RAB27A: variants seen among roughly 807,000 people sequenced by gnomAD.
The protein encoded by RAB27A is ras-related protein Rab-27A.
Under a neutral mutation model 20.8 loss-of-function variants are expected in RAB27A, and 17 were observed. The observed-to-expected ratio is 0.82, with a 90% confidence interval of 0.56 to 1.23. The LOEUF (loss-of-function observed/expected upper bound fraction) is 1.23. RAB27A is among the 50% of genes most tolerant of loss of function. RAB27A has a pLI of 0.00. For synonymous variants in RAB27A, 85 were observed against 92.8 expected, an observed-to-expected ratio of 0.92 and a Z score of 0.48; for missense variants, 277 against 266.7, an observed-to-expected ratio of 1.04 and a Z score of -0.27.
chr15:55,243,722 A>G (rs1896581861), intron 2 of RAB27A, among the ~76,000 whole-genome samples: 1 of 152,134 alleles, frequency 6.6e-6, no homozygotes, highest in African/African-American at 2.4e-5. Flanking sequence ...TATTGATTGA[A>G]TACTTATTAT....
Position 55,258,655 on chromosome 15 carries a change from T to G in RAB27A, c.-23+11510A>C, listed in dbSNP as rs557254877. 2.9e-4 allele frequency among the ~76,000 whole-genome samples: 44 copies of G among 152,372 alleles called. 1 individual carries two copies. The South Asian group carries it at 8.9e-3, about 31-fold the overall frequency. On this transcript the variant is annotated intron_variant, in intron 2 of 6. Coordinates refer to ENST00000336787, the MANE Select transcript of RAB27A (RefSeq NM_183235.3). ...GTTGTTTTACACTCCCAACTTCATA[T>G]CTTCACCAACATTTGGTGCTTGTTG...
chr15:55,313,087 T>C (rs1251919447), intron 2 of RAB27A, among the ~76,000 whole-genome samples: 1 of 152,178 alleles, frequency 6.6e-6, no homozygotes, highest in African/African-American at 2.4e-5. Context: ...ATTTGGTATT[T>C]AAATTAAAAT....
At chr15:55,263,118 T>TCTCTCACTTTCCTGGTTTCTG (rs1193632162) in intron 2 of RAB27A, among the ~76,000 whole-genome samples, 1 of 152,246 alleles carries the variant, frequency 6.6e-6, no homozygotes, top group Non-Finnish European at 1.5e-5. Flanking sequence ...TCTAGCTTCT[T>TCTCTCACTTTCCTGGTTTCTG]CTCTCACTTT....
chr15:55,241,600 T>TTCTATATATA lies in RAB27A; in HGVS notation c.-22-6645_-22-6644insTATATATAGA, dbSNP rs1388634936. On this transcript the variant is annotated intron_variant, in intron 2 of 6. Coordinates refer to ENST00000336787, the MANE Select transcript of RAB27A (RefSeq NM_183235.3). ...AGCCCAGGCAACTAGCAAGACCTATTTATATATATATATATATATATATAT... is the reference window on the plus strand; with the variant it reads ...AGCCCAGGCAACTAGCAAGACCTATTTCTATATATATATATATATATATATATATATATAT... Among the ~76,000 whole-genome samples, 841 of 123,824 alleles carry TTCTATATATA rather than the reference T, an allele frequency of 6.8e-3. 107 individuals are homozygous for TTCTATATATA. Among genetic ancestry groups the TTCTATATATA allele is most frequent in the African/African-American group, 0.034 (798 of 23,396 alleles). 81.2% of individuals were successfully genotyped at this position (123,824 alleles called of 152,430 possible). A position where few individuals can be genotyped will look rare whatever the true frequency, so the allele number is the denominator to read the frequency against.
At chr15:55,244,281 T>C (rs1471355560) in intron 2 of RAB27A, among the ~76,000 whole-genome samples, 2 of 151,966 alleles carry the variant, frequency 1.3e-5, no homozygotes, top group Admixed American at 1.3e-4. Context: ...CACCACTGCA[T>C]TCCGGCCTGG....
chr15:55,253,415 C>G (rs1173041615), intron 2 of RAB27A, among the ~76,000 whole-genome samples: 4 of 151,892 alleles, frequency 2.6e-5, no homozygotes, highest in Admixed American at 2.0e-4. Flanking sequence ...CCACCGCACT[C>G]CAGCCTGGGT....
chr15:55,309,262 A>G (rs907281804), intron 2 of RAB27A, among the ~76,000 whole-genome samples: 1 of 152,210 alleles, frequency 6.6e-6, no homozygotes, highest in Non-Finnish European at 1.5e-5. Context: ...GATGAGGATA[A>G]GCCAGTATAG....
intron 1 of RAB27A, among the ~76,000 whole-genome samples, chr15:55,281,972 TG>T (rs1365892815): frequency 1.3e-5 from 2 of 152,100 alleles, no homozygotes; most frequent in African/African-American, 4.8e-5. Flanking sequence ...GTGTGAAGAA[TG>T]GGCTATGGCA....
intron 6 of RAB27A, among the ~76,000 whole-genome samples, chr15:55,220,144 T>TACA (rs1895497036): frequency 1.3e-5 from 2 of 152,342 alleles, no homozygotes; most frequent in South Asian, 4.1e-4. Context: ...ACTGTAGTGT[T>TACA]CTTTATTAGG....
At chr15:55,281,963 T>C (rs1482870585) in intron 1 of RAB27A, among the ~76,000 whole-genome samples, 2 of 152,104 alleles carry the variant, frequency 1.3e-5, no homozygotes, top group Admixed American at 1.3e-4. Context: ...ACTGGCTTTG[T>C]GTGAAGAATG....
intron 2 of RAB27A, among the ~76,000 whole-genome samples, chr15:55,247,898 C>A (rs1254265261): frequency 1.3e-5 from 2 of 151,568 alleles, no homozygotes; most frequent in Admixed American, 1.3e-4. Context: ...TCATGCCTCC[C>A]TTGTCCTGCC....
chr15:55,214,226 G>A (rs1178125137), intron 6 of RAB27A, among the ~76,000 whole-genome samples: 1 of 152,088 alleles, frequency 6.6e-6, no homozygotes, highest in East Asian at 1.9e-4. Flanking sequence ...CACGAAGTCG[G>A]GAGATCGAGA....
At chr15:55,318,246 T>C (rs991537249) in intron 1 of RAB27A, among the ~76,000 whole-genome samples, 59 of 151,344 alleles carry the variant, frequency 3.9e-4, no homozygotes, top group Admixed American at 3.6e-3. Context: ...TACAGGCGCG[T>C]GTCACCACAC....
At chr15:55,308,036 C>T (rs1233754927) in intron 2 of RAB27A, among the ~76,000 whole-genome samples, 1 of 152,048 alleles carries the variant, frequency 6.6e-6, no homozygotes, top group Non-Finnish European at 1.5e-5. Flanking sequence ...CGTGAGGTTC[C>T]CCATTCTATT....
chr15:55,223,873 C>T lies in RAB27A; in HGVS notation c.467+16G>A, dbSNP rs1323495232. The T allele has an allele frequency of 6.2e-7, 1 of 1,612,664 alleles. No individual in the cohort carries two copies. The highest frequency in any genetic ancestry group is 1.3e-5 in the African/African-American group (1 of 74,906). On this transcript the variant is annotated intron_variant, in intron 6 of 6. Coordinates refer to ENST00000336787, the MANE Select transcript of RAB27A (RefSeq NM_183235.3). ...TTGAAAATGTTTTCTCTAGACTTCTCCACAAAAATACTCACCCATATTTCT... is the reference window on the plus strand; with the variant it reads ...TTGAAAATGTTTTCTCTAGACTTCTTCACAAAAATACTCACCCATATTTCT...
At chr15:55,253,583 G>A (rs1896975474) in intron 2 of RAB27A, among the ~76,000 whole-genome samples, 1 of 152,158 alleles carries the variant, frequency 6.6e-6, no homozygotes, top group African/African-American at 2.4e-5. Flanking sequence ...CCTTGTCTCT[G>A]TCCTCAGCTA....
Position 55,243,291 on chromosome 15 carries a change from T to C in RAB27A, c.-22-8335A>G, listed in dbSNP as rs141900687. Among the ~76,000 whole-genome samples the C allele has an allele frequency of 7.7e-3, 1,174 of 152,350 alleles. 14 individuals carry two copies. Among genetic ancestry groups the C allele is most frequent in the African/African-American group, 0.027 (1,118 of 41,574 alleles). On this transcript the variant is annotated intron_variant, in intron 2 of 6. Transcript: ENST00000336787. Reference sequence around the variant, plus strand: ...AAATGAAAAGCAAGCAGAGCAATCATGAAATTTTTCATTTACCTGTAGAAT... The same window carrying C: ...AAATGAAAAGCAAGCAGAGCAATCACGAAATTTTTCATTTACCTGTAGAAT...
chr15:55,298,426 A>G (rs887475501), intron 2 of RAB27A, among the ~76,000 whole-genome samples: 4 of 152,172 alleles, frequency 2.6e-5, no homozygotes, highest in Non-Finnish European at 4.4e-5. Context: ...AGTTTTTATT[A>G]GGGATTTTCA....
chr15:55,318,225 G>A (rs951488014), intron 1 of RAB27A, among the ~76,000 whole-genome samples: 6 of 150,986 alleles, frequency 4.0e-5, no homozygotes, highest in African/African-American at 1.5e-4. Flanking sequence ...AGCCTCCCGA[G>A]AAGCTGGGAC....
Sources: gnomAD v4.1 joint callset for allele counts (sites outside exome capture counted in the v4.1 genomes callset) on GRCh38, gnomAD v4.1.1 for gene constraint, MANE v1.5 for transcripts, NCBI Gene and HGNC (gene_info 2026-07-23, HGNC 2026-07-21) for gene names.